The following FLRT2 variants were observed in gnomAD, a reference collection of about 807,000 sequenced individuals.
The protein encoded by FLRT2 is leucine-rich repeat transmembrane protein FLRT2.
In FLRT2, 15 loss-of-function variants were observed where a neutral mutation model predicts 40.0. The ratio of observed to expected loss-of-function variants is 0.38; its 90% CI spans 0.25 to 0.58. FLRT2 has a LOEUF of 0.58. FLRT2 is among the 20% of genes least tolerant of loss of function. The probability of loss-of-function intolerance (pLI) is 0.71; values close to 1 mark genes in which losing one functional copy is unlikely to be tolerated. For synonymous variants in FLRT2, 380 were observed against 336.8 expected, an observed-to-expected ratio of 1.13 and a Z score of -1.41; for missense variants, 726 against 840.0, an observed-to-expected ratio of 0.86 and a Z score of 1.68.
rs141444942 is a variant in FLRT2 at position 85,586,092 on chromosome 14, A to T, written c.-376-35047A>T. 1.1e-3 allele frequency among the ~76,000 whole-genome samples: 167 copies of T among 148,274 alleles called. 2 individuals are homozygous for T. Among genetic ancestry groups the T allele is most frequent in the Middle Eastern group, 3.6e-3 (1 of 280 alleles). On this transcript the variant is annotated intron_variant, in intron 1 of 1. Transcript: ENST00000330753. The stretch of plus-strand genomic sequence containing the variant: ...TATACAGTTTTTATATAGTCAGTGT[A>T]TATTTATTATATTTTATATAATCAG...
At chr14:85,578,360 G>A (rs973304327) in intron 1 of FLRT2, among the ~76,000 whole-genome samples, 1 of 151,620 alleles carries the variant, frequency 6.6e-6, no homozygotes, top group African/African-American at 2.4e-5. Context: ...AAAAATCACA[G>A]GCTCACTATA....
Position 85,622,357 on chromosome 14 carries a change from G to A in FLRT2, c.843G>A (p.Leu281=). The part of the protein sequence containing the change: ...AFSNLRKLER[L]DISNNQLRML... ...CAAATCTGCGTAAGCTGGAACGGCTGGATATATCCAACAACCAACTGCGGA... is the reference window on the plus strand; with the variant it reads ...CAAATCTGCGTAAGCTGGAACGGCTAGATATATCCAACAACCAACTGCGGA... The change falls in exon 2 of 2, where the codon CTG becomes CTA. Residue 281 remains leucine, a synonymous_variant. Coordinates refer to ENST00000330753, the MANE Select transcript of FLRT2 (RefSeq NM_013231.6). 1 of 1,614,108 alleles carries A rather than the reference G, an allele frequency of 6.2e-7. No individual in the cohort carries two copies. Among genetic ancestry groups the A allele is most frequent in the Non-Finnish European group, 8.5e-7 (1 of 1,180,024 alleles).
intron 1 of FLRT2, among the ~76,000 whole-genome samples, chr14:85,535,059 C>G (rs866242070): frequency 6.6e-6 from 1 of 152,194 alleles, no homozygotes; most frequent in African/African-American, 2.4e-5. Context: ...CGTGTAAACG[C>G]TCGCTCAAGA....
chr14:85,604,298 G>A (rs1414281578), intron 1 of FLRT2, among the ~76,000 whole-genome samples: 1 of 152,112 alleles, frequency 6.6e-6, no homozygotes, highest in Non-Finnish European at 1.5e-5. Flanking sequence ...GACTTCCTGA[G>A]TCTTATCCAG....
intron 1 of FLRT2, among the ~76,000 whole-genome samples, chr14:85,579,459 A>C (rs1566737726): frequency 6.6e-6 from 1 of 151,926 alleles, no homozygotes; most frequent in Non-Finnish European, 1.5e-5. Flanking sequence ...AACCCATTTC[A>C]TTTATGCTTA....
At position 85,653,780 on chromosome 14, in the gene FLRT2, T is replaced by C. The variant is rs1442441344; in HGVS notation, c.*30283T>C. Reference sequence around the variant, plus strand: ...GTGTTGCAGGGATGTTTTGAGGATATGTTGATGTGTGTGACTCCTTCTCTG... The same window carrying C: ...GTGTTGCAGGGATGTTTTGAGGATACGTTGATGTGTGTGACTCCTTCTCTG... On this transcript the variant is annotated 3_prime_UTR_variant, in exon 2 of 2. Transcript: ENST00000330753. The C allele has an allele frequency of 6.6e-6, 1 of 152,208 alleles. No individual in the cohort carries two copies. Among genetic ancestry groups the C allele is most frequent in the African/African-American group, 2.4e-5 (1 of 41,460 alleles). 9.4% of individuals were successfully genotyped at this position (152,208 alleles called of 1,614,324 possible). A position where few individuals can be genotyped will look rare whatever the true frequency, so the allele number is the denominator to read the frequency against.
intron 1 of FLRT2, among the ~76,000 whole-genome samples, chr14:85,585,726 A>G (rs559564542): frequency 2.0e-5 from 3 of 152,048 alleles, no homozygotes; most frequent in African/African-American, 7.2e-5. Flanking sequence ...TTTTTCTCAT[A>G]TTTAACTAAA....
chr14:85,535,909 TTTTTTTTTTTTTGTTG>T (rs1246419206), intron 1 of FLRT2, among the ~76,000 whole-genome samples: 6 of 80,568 alleles, frequency 7.4e-5, no homozygotes, highest in South Asian at 9.5e-4. Flanking sequence ...TTTTTTTTTT[TTTTTTTTTTTTTGTTG>T]TTGTTGTTGT....
intron 1 of FLRT2, among the ~76,000 whole-genome samples, chr14:85,543,250 A>G (rs1594993444): frequency 6.6e-6 from 1 of 152,136 alleles, no homozygotes; most frequent in Non-Finnish European, 1.5e-5. Context: ...TCACTGAGCT[A>G]GATAGTTTTT....
rs1894319219 is a variant in FLRT2, at chr14:85,646,871, G to A, written c.*23374G>A. 6.6e-6 allele frequency: 1 copy of A among 152,072 alleles called. No individual in the cohort carries two copies. Among genetic ancestry groups the A allele is most frequent in the South Asian group, 2.1e-4 (1 of 4,820 alleles). The allele number at this position is 152,072 out of a possible 1,614,324, so 9.4% of individuals were successfully genotyped here. The stretch of plus-strand genomic sequence containing the variant: ...ACTTTATCATCCTTCCTCTCTGATG[G>A]TATGGTTATGTGGACCAGAACTGAA... On this transcript the variant is annotated 3_prime_UTR_variant, in exon 2 of 2. Transcript: ENST00000330753.
At chr14:85,594,328 G>T (rs1438851970) in intron 1 of FLRT2, among the ~76,000 whole-genome samples, 1 of 152,136 alleles carries the variant, frequency 6.6e-6, no homozygotes, top group Non-Finnish European at 1.5e-5. Context: ...GGAAGGCCTG[G>T]GGATTTGTGT....
At chr14:85,593,249 A>G (rs1448445057) in intron 1 of FLRT2, among the ~76,000 whole-genome samples, 1 of 152,192 alleles carries the variant, frequency 6.6e-6, no homozygotes, top group Non-Finnish European at 1.5e-5. Flanking sequence ...GTTGCTTTCA[A>G]ATGGTTAATT....
intron 1 of FLRT2, among the ~76,000 whole-genome samples, chr14:85,535,896 T>TGTTG (rs1235408134): frequency 4.1e-5 from 3 of 72,462 alleles, no homozygotes; most frequent in South Asian, 5.0e-4. Context: ...AATGCTGTTT[T>TGTTG]TTTTTTTTTT....
intron 1 of FLRT2, among the ~76,000 whole-genome samples, chr14:85,573,775 C>T (rs981734514): frequency 3.9e-5 from 6 of 152,184 alleles, no homozygotes; most frequent in Non-Finnish European, 7.3e-5. Context: ...TAGTCCAGGA[C>T]AGTATTTTTG....
chr14:85,615,389 T>C (rs908580208), intron 1 of FLRT2, among the ~76,000 whole-genome samples: 2 of 152,178 alleles, frequency 1.3e-5, no homozygotes, highest in African/African-American at 4.8e-5. Flanking sequence ...AGCTTTTCCT[T>C]TTTGGTCTGA....
In FLRT2 at chr14:85,601,924, G is replaced by C. The variant is rs193101379; in HGVS notation, c.-376-19215G>C. Among the ~76,000 whole-genome samples the C allele has an allele frequency of 1.4e-4, 22 of 152,228 alleles. No individual in the cohort carries two copies. The East Asian group carries it at 4.1e-3, about 28-fold the overall frequency. The stretch of plus-strand genomic sequence containing the variant: ...CACCGTGGAATGTTTTGAATATCAG[G>C]TTCTAGAAATAGTTGCTTCTGGAAG... On this transcript the variant is annotated intron_variant, in intron 1 of 1. Coordinates refer to ENST00000330753, the MANE Select transcript of FLRT2 (RefSeq NM_013231.6).
intron 1 of FLRT2, among the ~76,000 whole-genome samples, chr14:85,534,045 CT>C (rs1191970442): frequency 6.6e-6 from 1 of 151,436 alleles, no homozygotes; most frequent in East Asian, 1.9e-4. Context: ...TGCGCTCCCG[CT>C]TCCTCCCAGA....
intron 1 of FLRT2, among the ~76,000 whole-genome samples, chr14:85,541,522 T>G (rs1234010641): frequency 6.6e-6 from 1 of 152,214 alleles, no homozygotes; most frequent in African/African-American, 2.4e-5. Context: ...CTTTGTCTCC[T>G]TAAGTAGAAA....
chr14:85,531,444 T>A (rs554462491), intron 1 of FLRT2, among the ~76,000 whole-genome samples: 1 of 152,020 alleles, frequency 6.6e-6, no homozygotes, highest in Non-Finnish European at 1.5e-5. Flanking sequence ...GCTGCCGCGG[T>A]CTTTCGTCAT....
Sources: allele counts gnomAD v4.1 joint callset (sites outside exome capture counted in the v4.1 genomes callset), GRCh38; gene constraint gnomAD v4.1.1; transcripts MANE v1.5; gene names NCBI Gene and HGNC (gene_info 2026-07-23, HGNC 2026-07-21).